RFC3: variants seen among roughly 807,000 people sequenced by gnomAD.
RFC3 encodes replication factor C subunit 3, also known as A1 38 kDa subunit.
RFC3 carries 41 observed loss-of-function variants against 45.1 expected under a neutral mutation model. The ratio of observed to expected loss-of-function variants is 0.91; its 90% CI spans 0.71 to 1.18. The LOEUF (loss-of-function observed/expected upper bound fraction) is 1.18, where lower values mean the gene tolerates loss of function less well. RFC3 is among the 50% of genes most tolerant of loss of function. The pLI, the probability that RFC3 is intolerant of heterozygous loss-of-function variation, is 0.00. For missense variants in RFC3, 423 were observed against 428.1 expected, an observed-to-expected ratio of 0.99 and a Z score of 0.10; for synonymous variants, 149 against 144.0, an observed-to-expected ratio of 1.03 and a Z score of -0.25.
downstream of RFC3, among the ~76,000 whole-genome samples, chr13:33,967,595 C>G (rs1273996729): frequency 7.0e-6 from 1 of 143,640 alleles, no homozygotes; most frequent in Non-Finnish European, 1.5e-5. Flanking sequence ...TCAAGCGATT[C>G]TCCTGCCTCA....
intron 8 of RFC3, among the ~76,000 whole-genome samples, chr13:33,897,414 A>G (rs1444716652): frequency 6.6e-6 from 1 of 152,076 alleles, no homozygotes; most frequent in African/African-American, 2.4e-5. Context: ...ATAAAAACCT[A>G]TAATAGAGTC....
intron 8 of RFC3, among the ~76,000 whole-genome samples, chr13:33,869,882 A>G (rs2082396514): frequency 6.6e-6 from 1 of 152,232 alleles, no homozygotes; most frequent in African/African-American, 2.4e-5. Flanking sequence ...TTAAGCCTTC[A>G]GAGGCTGAGC....
intron 8 of RFC3, among the ~76,000 whole-genome samples, chr13:33,936,298 T>C (rs979119530): frequency 1.3e-5 from 2 of 152,054 alleles, no homozygotes; most frequent in East Asian, 1.9e-4. Flanking sequence ...AACCCCTAGA[T>C]TGGACTTAGA....
intron 8 of RFC3, among the ~76,000 whole-genome samples, chr13:33,852,816 A>G (rs2137510246): frequency 6.6e-6 from 1 of 152,342 alleles, no homozygotes; most frequent in East Asian, 1.9e-4. Context: ...TAAGCTTGGC[A>G]GGTGACTGCA....
chr13:33,936,587 G>A (rs530025231), intron 8 of RFC3, among the ~76,000 whole-genome samples: 6 of 152,276 alleles, frequency 3.9e-5, no homozygotes, highest in Non-Finnish European at 7.4e-5. Context: ...AAAACAGCAC[G>A]TGAGGATAAA....
chr13:33,837,548 C>T (rs961059991), downstream of RFC3: 1 of 151,942 alleles, frequency 6.6e-6, no homozygotes, highest in African/African-American at 2.4e-5. Flanking sequence ...TGAGTAACTA[C>T]GTAAGAGTGC....
Position 33,854,986 on chromosome 13 carries a change from C to G in RFC3, c.879+19769C>G, listed in dbSNP as rs534949659. On this transcript the variant is annotated intron_variant, in intron 8 of 8. Coordinates refer to the RFC3 transcript ENST00000434425. ...CATAATGCTCTAATCATGACGGAAA[C>G]AAAACATAAGCTCTATGAACATGGT... Among the ~76,000 whole-genome samples, 5 of 151,464 alleles carry G rather than the reference C, an allele frequency of 3.3e-5. No individual in the cohort carries two copies. In the East Asian group the frequency reaches 6.0e-4, roughly 18 times the overall value.
intron 8 of RFC3, among the ~76,000 whole-genome samples, chr13:33,951,037 C>A (rs1385083651): frequency 1.1e-5 from 1 of 91,188 alleles, no homozygotes; most frequent in East Asian, 6.1e-4. Context: ...ACTCTGATGG[C>A]TCTTTTTTTT....
intron 8 of RFC3, among the ~76,000 whole-genome samples, chr13:33,886,886 T>C (rs1460661182): frequency 6.7e-6 from 1 of 149,748 alleles, no homozygotes; most frequent in African/African-American, 2.5e-5. Context: ...TATGCGGTGT[T>C]TGGTTTTTTG....
At chr13:33,900,581 TAGA>T (rs962130305) in intron 8 of RFC3, among the ~76,000 whole-genome samples, 2 of 151,908 alleles carry the variant, frequency 1.3e-5, no homozygotes, top group Admixed American at 1.3e-4. Context: ...ATGAAATTAG[TAGA>T]AGAAAACTCT....
At chr13:33,894,364 G>A (rs2082583539) in intron 8 of RFC3, among the ~76,000 whole-genome samples, 1 of 152,188 alleles carries the variant, frequency 6.6e-6, no homozygotes, top group African/African-American at 2.4e-5. Flanking sequence ...TTTCCAGTGG[G>A]AATGGAGGGA....
At chr13:33,851,672 A>G (rs2082277542) in intron 8 of RFC3, among the ~76,000 whole-genome samples, 2 of 152,122 alleles carry the variant, frequency 1.3e-5, no homozygotes, top group South Asian at 4.1e-4. Context: ...AAATGGACCC[A>G]TGCAGTTCAA....
chr13:33,878,132 G>A (rs950205810), intron 8 of RFC3, among the ~76,000 whole-genome samples: 3 of 152,082 alleles, frequency 2.0e-5, no homozygotes, highest in African/African-American at 7.2e-5. Flanking sequence ...AGTAGTAACT[G>A]CAGTTATTTT....
chr13:33,872,593 C>T (rs1345505020), intron 8 of RFC3, among the ~76,000 whole-genome samples: 1 of 151,982 alleles, frequency 6.6e-6, no homozygotes, highest in Admixed American at 6.6e-5. Context: ...ATTAGCCGGG[C>T]CTGGTGGCAC....
chr13:33,958,517 C>A (rs1448794349), intron 8 of RFC3, among the ~76,000 whole-genome samples: 1 of 152,290 alleles, frequency 6.6e-6, no homozygotes, highest in African/African-American at 2.4e-5. Flanking sequence ...ATGAGTGTTA[C>A]CCCTGAGAGG....
intron 8 of RFC3, among the ~76,000 whole-genome samples, chr13:33,910,015 A>G (rs8000176): frequency 0.023 from 3,554 of 152,154 alleles, 119 homozygotes; most frequent in African/African-American, 0.081. Flanking sequence ...ATGCTTATAT[A>G]AGTTTTTCAA....
intron 3 of RFC3, among the ~76,000 whole-genome samples, chr13:33,824,548 T>A (rs2082032332): frequency 6.6e-6 from 1 of 152,086 alleles, no homozygotes; most frequent in Non-Finnish European, 1.5e-5. Context: ...GGAGCTAAAT[T>A]GGGTAAGCTG....
At chr13:33,941,509 G>C (rs763407465) in intron 8 of RFC3, among the ~76,000 whole-genome samples, 6 of 152,006 alleles carry the variant, frequency 3.9e-5, no homozygotes, top group Non-Finnish European at 8.8e-5. Flanking sequence ...TGTTTCTGAA[G>C]GTTATTTTCA....
intron 8 of RFC3, among the ~76,000 whole-genome samples, chr13:33,962,389 GCTT>G (rs1472201994): frequency 1.5e-4 from 23 of 152,010 alleles, no homozygotes; most frequent in Admixed American, 1.5e-3. Context: ...CTCTCCTCTT[GCTT>G]CTTATCAACC....
Sources: allele counts gnomAD v4.1 joint callset (sites outside exome capture counted in the v4.1 genomes callset), GRCh38; gene constraint gnomAD v4.1.1; transcripts MANE v1.5; gene names NCBI Gene and HGNC (gene_info 2026-07-23, HGNC 2026-07-21).